Variants in ZFAT observed in about 807,000 individuals in gnomAD.
ZFAT encodes zinc finger protein ZFAT.
Under a neutral mutation model 117.7 loss-of-function variants are expected in ZFAT, and 64 were observed. That is an observed-to-expected ratio of 0.54 (90% confidence interval 0.44 to 0.67). ZFAT has a LOEUF of 0.67. ZFAT is among the 30% of genes least tolerant of loss of function. The pLI is 0.00. For synonymous variants in ZFAT, 679 were observed against 615.0 expected (o/e 1.10, Z -1.54); for missense variants, 1,433 against 1,584.5 (o/e 0.90, Z 1.62).
the ZFAT span, among the ~76,000 whole-genome samples, chr8:134,728,285 C>T: frequency 4.0e-5 from 6 of 151,804 alleles, no homozygotes; most frequent in Non-Finnish European, 8.8e-5. Flanking sequence ...GCAATCTCTG[C>T]TAGGTAGCAT....
At chr8:134,701,610 G>A (rs954187003) in intron 1 of ZFAT, among the ~76,000 whole-genome samples, 5 of 152,204 alleles carry the variant, frequency 3.3e-5, no homozygotes, top group Admixed American at 2.6e-4. Context: ...CAGCTGCACT[G>A]TTTTTACATT....
intron 11 of ZFAT, among the ~76,000 whole-genome samples, chr8:134,551,804 A>C (rs1002506120): frequency 2.0e-5 from 3 of 152,242 alleles, no homozygotes; most frequent in Admixed American, 2.0e-4. Context: ...CTAGGTGCTC[A>C]GATGCCTCGT....
chr8:134,662,752 T>A (rs1347357261), intron 1 of ZFAT, among the ~76,000 whole-genome samples: 1 of 152,210 alleles, frequency 6.6e-6, no homozygotes, highest in Non-Finnish European at 1.5e-5. Context: ...ATAAGAGGTC[T>A]GGTCAGCAGG....
At chr8:134,584,177 T>A (rs964953727) in intron 9 of ZFAT, among the ~76,000 whole-genome samples, 172 bp from the exon 10 acceptor site, 1 of 152,156 alleles carries the variant, frequency 6.6e-6, no homozygotes, top group African/African-American at 2.4e-5. Context: ...ACCACACACT[T>A]TCCACGCCAG....
the ZFAT span, among the ~76,000 whole-genome samples, chr8:134,757,146 A>G: frequency 2.7e-5 from 4 of 150,382 alleles, no homozygotes; most frequent in Non-Finnish European, 4.4e-5. Context: ...CCTCCCAAGT[A>G]GCTGGGACTA....
At chr8:134,825,651 A>G in the ZFAT span, among the ~76,000 whole-genome samples, 1 of 152,266 alleles carries the variant, frequency 6.6e-6, no homozygotes, top group South Asian at 2.1e-4. Flanking sequence ...TGAGAGAAGC[A>G]TACGCTACAA....
Position 134,477,826 on chromosome 8 carries a change from C to T in ZFAT, c.*656G>A, listed in dbSNP as rs1816986879. 1 of 152,228 alleles carries T rather than the reference C, an allele frequency of 6.6e-6. No individual in the cohort carries two copies. The highest frequency in any genetic ancestry group is 2.4e-5 in the African/African-American group (1 of 41,432). The allele number at this position is 152,228 out of a possible 1,614,324, so 9.4% of individuals were successfully genotyped here. A position where few individuals can be genotyped will look rare whatever the true frequency, so the allele number is the denominator to read the frequency against. ...TGTTTTTATTCCAACCACCTCACCTCCTTAGAATGGGAGGCGAACAGTGAA... is the reference window on the plus strand; with the variant it reads ...TGTTTTTATTCCAACCACCTCACCTTCTTAGAATGGGAGGCGAACAGTGAA... On this transcript the variant is annotated 3_prime_UTR_variant, in exon 16 of 16. Coordinates refer to ENST00000377838, the MANE Select transcript of ZFAT (RefSeq NM_020863.4).
At chr8:134,795,359 C>T in the ZFAT span, 1 of 152,178 alleles carries the variant, frequency 6.6e-6, no homozygotes, top group African/African-American at 2.4e-5. Flanking sequence ...ATGATGTAAT[C>T]AATCATGCCT....
intron 11 of ZFAT, among the ~76,000 whole-genome samples, chr8:134,544,998 G>A (rs766725370): frequency 5.3e-5 from 8 of 152,114 alleles, no homozygotes; most frequent in Non-Finnish European, 7.3e-5. Flanking sequence ...GGACACACAC[G>A]TCATGAGTCC....
intron 11 of ZFAT, among the ~76,000 whole-genome samples, chr8:134,554,176 T>C (rs1054497343): frequency 6.6e-6 from 1 of 152,166 alleles, no homozygotes; most frequent in African/African-American, 2.4e-5. Flanking sequence ...AGCTTCAAGT[T>C]CTGTGTATGT....
At chr8:134,659,377 CCA>C (rs1437946657) in intron 1 of ZFAT, among the ~76,000 whole-genome samples, 2 of 152,158 alleles carry the variant, frequency 1.3e-5, no homozygotes, top group African/African-American at 4.8e-5. Flanking sequence ...GTGGCCCACC[CCA>C]GAGCAGGGCT....
chr8:134,479,818 A>G (rs1376516269), intron 15 of ZFAT, among the ~76,000 whole-genome samples: 1 of 152,208 alleles, frequency 6.6e-6, no homozygotes, highest in East Asian at 1.9e-4. Flanking sequence ...CACAACCTTC[A>G]GTCTATTCAT....
the ZFAT span, among the ~76,000 whole-genome samples, chr8:134,733,860 G>A: frequency 1.3e-5 from 2 of 152,344 alleles, no homozygotes; most frequent in South Asian, 4.1e-4. Context: ...TACTGGACAA[G>A]CTTTGTCCTG....
the ZFAT span, among the ~76,000 whole-genome samples, chr8:134,739,796 G>A: frequency 2.6e-5 from 4 of 152,214 alleles, no homozygotes; most frequent in Non-Finnish European, 5.9e-5. Context: ...AGAGGCTGAG[G>A]ACTCCCCACC....
intron 1 of ZFAT, among the ~76,000 whole-genome samples, chr8:134,666,148 G>C (rs920397718): frequency 1.3e-5 from 2 of 152,168 alleles, no homozygotes; most frequent in African/African-American, 4.8e-5. Flanking sequence ...CTCCTAGCTA[G>C]GACTGGTATC....
chr8:134,527,211 A>G (rs1821087881), intron 12 of ZFAT, among the ~76,000 whole-genome samples: 1 of 152,212 alleles, frequency 6.6e-6, no homozygotes, highest in South Asian at 2.1e-4. Flanking sequence ...AAAGGCCAGG[A>G]AAGGGATTCT....
the ZFAT span, among the ~76,000 whole-genome samples, chr8:134,743,115 T>C: frequency 1.3e-5 from 2 of 152,246 alleles, no homozygotes; most frequent in African/African-American, 4.8e-5. Flanking sequence ...TGAAACCATC[T>C]CTATGCCCTT....
At chr8:134,743,187 A>T in the ZFAT span, among the ~76,000 whole-genome samples, 1 of 152,216 alleles carries the variant, frequency 6.6e-6, no homozygotes, top group African/African-American at 2.4e-5. Context: ...GGCAAAGGCC[A>T]ATCTAAATTA....
chr8:134,602,724 G>A lies in ZFAT; in HGVS notation c.995C>T (p.Ser332Leu), dbSNP rs766044168. Residue 332 changes from serine (S) to leucine (L), a missense_variant, in exon 6 of 16, where the codon TCG (serine) becomes TTG (leucine). This residue lies in a region of ZFAT where 436 missense variants were observed against 482.0 expected (regional missense o/e 0.90). Coordinates refer to ENST00000377838, the MANE Select transcript of ZFAT (RefSeq NM_020863.4). ...GTGGCCCTTGCTCAGGCAGGTGAAC[G>A]AGCAATAGTCGCAGGCGAACTTCTC... ...TGEKFACDYC[S>L]FTCLSKGHLK... 1.1e-5 allele frequency: 18 copies of A among 1,613,988 alleles called. No individual in the cohort carries two copies. Among genetic ancestry groups the A allele is most frequent in the East Asian group, 8.9e-5 (4 of 44,870 alleles).
Sources: gnomAD v4.1 joint callset for allele counts (sites outside exome capture counted in the v4.1 genomes callset) on GRCh38, gnomAD v4.1.1 for gene constraint, gnomAD v4.1.1 regional missense constraint, MANE v1.5 for transcripts, NCBI Gene and HGNC (gene_info 2026-07-23, HGNC 2026-07-21) for gene names.